DCLK2: variants seen among roughly 807,000 people sequenced by gnomAD.
DCLK2 encodes the protein doublecortin like kinase 2.
A neutral mutation model predicts 78.4 loss-of-function variants in DCLK2; 31 were observed. The observed-to-expected ratio is 0.40, with a 90% CI of 0.30 to 0.53. The LOEUF (loss-of-function observed/expected upper bound fraction) is 0.53, where lower values mean the gene tolerates loss of function less well. DCLK2 is among the 20% of genes least tolerant of loss of function. DCLK2 has a pLI of 0.61. For missense variants in DCLK2, 872 were observed against 973.7 expected (o/e 0.90, Z 1.39); for synonymous variants, 407 against 374.9 (o/e 1.09, Z -0.99).
intron 4 of DCLK2, 124 bp downstream of exon 4, chr4:150,198,227 G>A (rs1739204813): frequency 2.7e-6 from 2 of 753,440 alleles, no homozygotes; most frequent in Admixed American, 3.7e-5. Flanking sequence ...CAGAAAAACA[G>A]AGATGATGTG....
intron 5 of DCLK2, among the ~76,000 whole-genome samples, chr4:150,211,905 TCA>T (rs1740348276): frequency 6.6e-6 from 1 of 152,200 alleles, no homozygotes; most frequent in Non-Finnish European, 1.5e-5. Flanking sequence ...TATGCTTAAA[TCA>T]CAGCATTTTC....
chr4:150,225,559 C>G (rs1741538841), intron 8 of DCLK2, among the ~76,000 whole-genome samples: 2 of 152,252 alleles, frequency 1.3e-5, no homozygotes, highest in South Asian at 4.1e-4. Context: ...AGCTACAAAG[C>G]ACTTGAATGT....
intron 2 of DCLK2, among the ~76,000 whole-genome samples, chr4:150,133,468 G>T (rs1269141206): frequency 3.9e-5 from 6 of 152,332 alleles, no homozygotes; most frequent in African/African-American, 1.2e-4. Context: ...CTAATAGGTA[G>T]CAGTGAGCAG....
chr4:150,183,299 T>C (rs1737664055), intron 2 of DCLK2, among the ~76,000 whole-genome samples: 1 of 152,248 alleles, frequency 6.6e-6, no homozygotes, highest in African/African-American at 2.4e-5. Context: ...AGTCTCTGAA[T>C]AGCACCAAAT....
intron 2 of DCLK2, among the ~76,000 whole-genome samples, chr4:150,124,857 T>G (rs1194085046): frequency 6.6e-6 from 1 of 152,236 alleles, no homozygotes; most frequent in Admixed American, 6.5e-5. Flanking sequence ...AATCAATGTC[T>G]TAATTACTTC....
At chr4:150,080,414 A>C (rs920867283) in intron 1 of DCLK2, among the ~76,000 whole-genome samples, 4 of 152,188 alleles carry the variant, frequency 2.6e-5, no homozygotes. Context: ...AGGCATTATC[A>C]GTGGTTAAGA....
chr4:150,178,682 T>A (rs763616155), intron 2 of DCLK2, among the ~76,000 whole-genome samples: 4 of 152,194 alleles, frequency 2.6e-5, no homozygotes, highest in Non-Finnish European at 5.9e-5. Context: ...TGGACTCTAA[T>A]CTACTCACCT....
chr4:150,199,044 C>T, intron 4 of DCLK2: 1 of 1,596,608 alleles, frequency 6.3e-7, no homozygotes, highest in Middle Eastern at 1.7e-4. Context: ...GGGGTGGCCA[C>T]TACTCCAGTG....
At chr4:150,162,439 T>G (rs1213970463) in intron 2 of DCLK2, among the ~76,000 whole-genome samples, 1 of 152,348 alleles carries the variant, frequency 6.6e-6, no homozygotes, top group South Asian at 2.1e-4. Context: ...TTAAGTAGTA[T>G]TATCTTCCAT....
In DCLK2 at chr4:150,229,164, A is replaced by T. The variant is rs149316545; in HGVS notation, c.1300-3173A>T. Among the ~76,000 whole-genome samples, 7 of 151,854 alleles carry T rather than the reference A, an allele frequency of 4.6e-5. No individual in the cohort carries two copies. In the East Asian group the frequency reaches 1.4e-3, roughly 29 times the overall value. ...AGACCAGCCCTGGCAATATAGTGAG[A>T]CCCCATTTCTGCAAAAAAATAATTA... On this transcript the variant is annotated intron_variant, in intron 8 of 15. Coordinates refer to ENST00000296550, the MANE Select transcript of DCLK2 (RefSeq NM_001040260.4).
intron 12 of DCLK2, among the ~76,000 whole-genome samples, chr4:150,242,422 C>T (rs568430539): frequency 6.6e-6 from 1 of 152,354 alleles, no homozygotes; most frequent in African/African-American, 2.4e-5. Context: ...GTGGGTTACA[C>T]AGACTGTAGA....
chr4:150,219,270 T>C (rs1214570122), intron 5 of DCLK2, among the ~76,000 whole-genome samples: 1 of 148,112 alleles, frequency 6.8e-6, no homozygotes, highest in African/African-American at 2.5e-5. Flanking sequence ...TTTTTTTTTT[T>C]TTTTTTTTTT....
At chr4:150,210,251 G>C (rs1040325838) in intron 5 of DCLK2, among the ~76,000 whole-genome samples, 2 of 152,202 alleles carry the variant, frequency 1.3e-5, no homozygotes, top group African/African-American at 2.4e-5. Context: ...AAAGCAGTTA[G>C]GGTAGCCTTG....
At chr4:150,163,011 C>G (rs1447366815) in intron 2 of DCLK2, among the ~76,000 whole-genome samples, 2 of 152,186 alleles carry the variant, frequency 1.3e-5, no homozygotes, top group Non-Finnish European at 2.9e-5. Context: ...GACTGCGCAA[C>G]ACATCTTTCT....
chr4:150,232,528 A>G, intron 9 of DCLK2, 72 bp downstream of exon 9: 1 of 1,573,014 alleles, frequency 6.4e-7, no homozygotes, highest in South Asian at 1.2e-5. Flanking sequence ...CCTAATCAGA[A>G]AAGTGTATTG....
At chr4:150,153,700 C>T (rs535934469) in intron 2 of DCLK2, among the ~76,000 whole-genome samples, 1 of 152,104 alleles carries the variant, frequency 6.6e-6, no homozygotes, top group African/African-American at 2.4e-5. Context: ...TAGATGTGAG[C>T]CACTACAACA....
chr4:150,242,020 A>G (rs1742964621), intron 12 of DCLK2, among the ~76,000 whole-genome samples: 1 of 152,188 alleles, frequency 6.6e-6, no homozygotes, highest in Non-Finnish European at 1.5e-5. Context: ...AAATGGTTTT[A>G]TCTTCTTTTC....
rs578153779 is a variant in DCLK2, at chr4:150,167,997, A to G, written c.757-25141A>G. On this transcript the variant is annotated intron_variant, in intron 2 of 15. Transcript: ENST00000296550. ...GCATGCAGGCAGCCCACCCCAAGGGAAGAACTGGGGGAGAAGGAGGGCGCA... is the reference window on the plus strand; with the variant it reads ...GCATGCAGGCAGCCCACCCCAAGGGGAGAACTGGGGGAGAAGGAGGGCGCA... 4.6e-5 allele frequency among the ~76,000 whole-genome samples: 7 copies of G among 152,252 alleles called. No homozygotes were observed. The South Asian group carries it at 8.3e-4, about 18-fold the overall frequency.
chr4:150,174,237 G>A (rs1323497614), intron 2 of DCLK2, among the ~76,000 whole-genome samples: 1 of 152,170 alleles, frequency 6.6e-6, no homozygotes, highest in Non-Finnish European at 1.5e-5. Flanking sequence ...CCCCTACTGA[G>A]TAGCCATGCG....
Sources: gnomAD v4.1 joint callset for allele counts (sites outside exome capture counted in the v4.1 genomes callset) on GRCh38, gnomAD v4.1.1 for gene constraint, MANE v1.5 for transcripts, NCBI Gene and HGNC (gene_info 2026-07-23, HGNC 2026-07-21) for gene names.